CCSER1: variants seen among roughly 807,000 people sequenced by gnomAD.
The protein encoded by CCSER1 is serine-rich coiled-coil domain-containing protein 1.
A neutral mutation model predicts 82.0 loss-of-function variants in CCSER1; 41 were observed. The ratio of observed to expected loss-of-function variants is 0.50; its 90% confidence interval spans 0.39 to 0.65. The LOEUF is 0.65. CCSER1 is among the 30% of genes least tolerant of loss of function. CCSER1 has a pLI of 0.00. For synonymous variants in CCSER1, 414 were observed against 383.9 expected, an observed-to-expected ratio of 1.08 and a Z score of -0.92; for missense variants, 1,119 against 1,064.2, an observed-to-expected ratio of 1.05 and a Z score of -0.72.
At chr4:90,757,020 AC>A (rs1300111136) in intron 7 of CCSER1, among the ~76,000 whole-genome samples, 1 of 152,218 alleles carries the variant, frequency 6.6e-6, no homozygotes, top group Non-Finnish European at 1.5e-5. Context: ...TTTGGAAGTA[AC>A]TTTTCTTTGC....
intron 6 of CCSER1, among the ~76,000 whole-genome samples, chr4:90,682,332 CA>C (rs756808552): frequency 2.0e-5 from 3 of 151,766 alleles, no homozygotes; most frequent in Non-Finnish European, 2.9e-5. Context: ...AGATCCTTTT[CA>C]GATCATTTTT....
chr4:91,402,229 G>C (rs367986016), intron 10 of CCSER1, among the ~76,000 whole-genome samples: 2 of 151,924 alleles, frequency 1.3e-5, no homozygotes, highest in Non-Finnish European at 2.9e-5. Context: ...CCTTTGCCCA[G>C]TTTTTGATGG....
intron 5 of CCSER1, among the ~76,000 whole-genome samples, chr4:90,501,538 A>T (rs528599919): frequency 4.9e-4 from 74 of 152,278 alleles, no homozygotes; most frequent in African/African-American, 1.6e-3. Context: ...AAGCATTTTA[A>T]TTTTATCTAT....
intron 10 of CCSER1, among the ~76,000 whole-genome samples, chr4:91,504,661 A>C (rs1427640143): frequency 6.6e-6 from 1 of 152,150 alleles, no homozygotes; most frequent in African/African-American, 2.4e-5. Context: ...TAATTTTTAA[A>C]TTTGACACAT....
chr4:90,353,932 CTG>C (rs1351316264), intron 3 of CCSER1, among the ~76,000 whole-genome samples: 8 of 152,146 alleles, frequency 5.3e-5, no homozygotes, highest in African/African-American at 1.4e-4. Flanking sequence ...CTACTTCTGA[CTG>C]TATATCTGAA....
At chr4:90,908,724 C>T (rs1198476046) in intron 8 of CCSER1, among the ~76,000 whole-genome samples, 4 of 152,052 alleles carry the variant, frequency 2.6e-5, no homozygotes, top group Non-Finnish European at 5.9e-5. Context: ...TTCAGGTGCT[C>T]ATTTGTCACC....
At chr4:90,203,424 C>A (rs1738144136) in intron 1 of CCSER1, among the ~76,000 whole-genome samples, 3 of 152,126 alleles carry the variant, frequency 2.0e-5, no homozygotes, top group Non-Finnish European at 2.9e-5. Context: ...TCAATTCCCA[C>A]TTATGAGTGA....
At chr4:91,022,730 T>C (rs1740111311) in intron 9 of CCSER1, among the ~76,000 whole-genome samples, 1 of 152,218 alleles carries the variant, frequency 6.6e-6, no homozygotes, top group South Asian at 2.1e-4. Flanking sequence ...TATCTCATTA[T>C]GGTTTTGATT....
At chr4:90,171,596 C>T (rs900394305) in intron 1 of CCSER1, among the ~76,000 whole-genome samples, 7 of 151,764 alleles carry the variant, frequency 4.6e-5, no homozygotes, top group Non-Finnish European at 7.4e-5. Context: ...AAACACATTC[C>T]ACTGTGTAAG....
chr4:90,552,607 C>T (rs1777652639), intron 5 of CCSER1, among the ~76,000 whole-genome samples: 1 of 151,890 alleles, frequency 6.6e-6, no homozygotes, highest in Admixed American at 6.6e-5. Context: ...ATAAGCATAA[C>T]ACTACACCTG....
intron 5 of CCSER1, among the ~76,000 whole-genome samples, chr4:90,610,525 G>C (rs900439062): frequency 6.6e-6 from 1 of 151,862 alleles, no homozygotes; most frequent in Non-Finnish European, 1.5e-5. Flanking sequence ...AGCTCTTTTT[G>C]CTTTCTAAGG....
At chr4:90,437,465 T>G (rs1411876179) in intron 4 of CCSER1, among the ~76,000 whole-genome samples, 1 of 152,196 alleles carries the variant, frequency 6.6e-6, no homozygotes, top group Non-Finnish European at 1.5e-5. Flanking sequence ...AAAACTTAAA[T>G]TTAGATTTCC....
chr4:91,418,399 A>G (rs1001174630), intron 10 of CCSER1, among the ~76,000 whole-genome samples: 1 of 151,786 alleles, frequency 6.6e-6, no homozygotes, highest in Non-Finnish European at 1.5e-5. Context: ...AAAGAAGAGA[A>G]ATTACAAATT....
chr4:90,256,295 A>G (rs1475113786), intron 1 of CCSER1, among the ~76,000 whole-genome samples: 2 of 152,166 alleles, frequency 1.3e-5, no homozygotes, highest in African/African-American at 4.8e-5. Context: ...ATTAAGATGA[A>G]GAGGATATAA....
Position 91,450,123 on chromosome 4 carries a change from T to G in CCSER1, c.2218-148449T>G, listed in dbSNP as rs568149842. ...CCTCACAATGGCTGGAGATTTGTTT[T>G]TATACAGGATGGGTCGTCATGCTGT... is the stretch of plus-strand genomic sequence containing the variant. On this transcript the variant is annotated intron_variant, in intron 10 of 10. Transcript: ENST00000509176. 1.4e-4 allele frequency among the ~76,000 whole-genome samples: 22 copies of G among 152,156 alleles called. No homozygotes were observed. In the East Asian group the frequency reaches 4.3e-3, roughly 29 times the overall value.
At chr4:90,186,218 A>G (rs931858637) in intron 1 of CCSER1, among the ~76,000 whole-genome samples, 2 of 151,968 alleles carry the variant, frequency 1.3e-5, no homozygotes, top group South Asian at 4.1e-4. Context: ...GGCACATTAC[A>G]TATTTTTATG....
At chr4:90,436,570 A>C (rs1759016451) in intron 4 of CCSER1, among the ~76,000 whole-genome samples, 3 of 152,210 alleles carry the variant, frequency 2.0e-5, no homozygotes. Flanking sequence ...TATTAAGTGA[A>C]GAAATTGAGA....
intron 5 of CCSER1, among the ~76,000 whole-genome samples, chr4:90,610,549 G>T (rs774824714): frequency 1.3e-5 from 2 of 151,676 alleles, no homozygotes; most frequent in African/African-American, 4.9e-5. Context: ...ACATCTGACA[G>T]TGAGGCCATT....
intron 10 of CCSER1, among the ~76,000 whole-genome samples, chr4:91,108,624 A>G (rs1237919088): frequency 6.6e-6 from 1 of 152,210 alleles, no homozygotes; most frequent in Non-Finnish European, 1.5e-5. Context: ...GTTGAAACAC[A>G]AGCAGTCAAT....
Sources: allele counts gnomAD v4.1 joint callset (sites outside exome capture counted in the v4.1 genomes callset), GRCh38; gene constraint gnomAD v4.1.1; transcripts MANE v1.5; gene names NCBI Gene and HGNC (gene_info 2026-07-23, HGNC 2026-07-21).